Variants in ARMH3 observed in about 807,000 individuals in gnomAD.
The protein encoded by ARMH3 is armadillo-like helical domain-containing protein 3.
ARMH3 carries 60 observed loss-of-function variants against 99.1 expected under a neutral mutation model. That is an observed-to-expected ratio of 0.61 (90% confidence interval 0.49 to 0.75). The LOEUF (loss-of-function observed/expected upper bound fraction) is 0.75. ARMH3 is among the 30% of genes least tolerant of loss of function. ARMH3 has a pLI of 0.00. For synonymous variants in ARMH3, 285 were observed against 292.8 expected, an observed-to-expected ratio of 0.97 and a Z score of 0.27; for missense variants, 679 against 843.1, an observed-to-expected ratio of 0.81 and a Z score of 2.41.
At chr10:101,936,491 CAAAAAAA>C (rs202009727) in intron 23 of ARMH3, among the ~76,000 whole-genome samples, 2 of 56,072 alleles carry the variant, frequency 3.6e-5, no homozygotes, top group Non-Finnish European at 8.5e-5. Context: ...GACTCTGTCT[CAAAAAAA>C]AAAAAAAAAA....
intron 24 of ARMH3, among the ~76,000 whole-genome samples, chr10:101,852,822 G>A (rs2135268959): frequency 6.6e-6 from 1 of 151,164 alleles, no homozygotes; most frequent in South Asian, 2.1e-4. Context: ...TAGTGCCCAT[G>A]ATCTCAGCTC....
chr10:101,953,332 T>C (rs1844880962), intron 22 of ARMH3, among the ~76,000 whole-genome samples: 1 of 152,142 alleles, frequency 6.6e-6, no homozygotes, highest in Non-Finnish European at 1.5e-5. Context: ...GGTTTTGCCA[T>C]GTTGGCTGGT....
chr10:101,955,935 A>C (rs1397397714), intron 22 of ARMH3, among the ~76,000 whole-genome samples: 1 of 152,228 alleles, frequency 6.6e-6, no homozygotes, highest in Non-Finnish European at 1.5e-5. Context: ...TAAAGCTAAT[A>C]AATTTGCGCT....
intron 23 of ARMH3, among the ~76,000 whole-genome samples, chr10:101,899,610 A>AT (rs1486170710): frequency 6.6e-6 from 1 of 152,206 alleles, no homozygotes; most frequent in Non-Finnish European, 1.5e-5. Flanking sequence ...ACAGAAGTGC[A>AT]TTACAAGCCT....
At position 102,055,329 on chromosome 10, in the gene ARMH3, A is replaced by AT. The variant is rs2067818120; in HGVS notation, c.-12+755_-12+756insA. ...AATAAATAAATAAATAAATAAATAA[A>AT]ATAAAATAAAAAACTTTCTGGAGAG... On this transcript the variant is annotated intron_variant, in intron 1 of 25. Coordinates refer to ENST00000370033, the MANE Select transcript of ARMH3 (RefSeq NM_024541.3). 2.0e-5 allele frequency among the ~76,000 whole-genome samples: 3 copies of AT among 151,990 alleles called. No homozygotes were observed. The South Asian group carries it at 6.2e-4, about 31-fold the overall frequency.
chr10:101,943,727 A>G (rs1844344025), intron 22 of ARMH3, among the ~76,000 whole-genome samples: 1 of 152,152 alleles, frequency 6.6e-6, no homozygotes, highest in African/African-American at 2.4e-5. Flanking sequence ...AAACAGACCT[A>G]GACGTGAAGA....
intron 1 of ARMH3, among the ~76,000 whole-genome samples, chr10:102,044,967 C>T (rs888408778): frequency 6.6e-6 from 1 of 151,840 alleles, no homozygotes; most frequent in Non-Finnish European, 1.5e-5. Context: ...AAAACCCCGT[C>T]TCTACTAAAA....
At chr10:101,990,179 C>CTT (rs762793068) in intron 19 of ARMH3, among the ~76,000 whole-genome samples, 10 of 134,568 alleles carry the variant, frequency 7.4e-5, no homozygotes, top group East Asian at 4.3e-4. Flanking sequence ...CATGAACTTT[C>CTT]TTTTTTTTTT....
chr10:101,871,972 C>T (rs1463455048), intron 24 of ARMH3, among the ~76,000 whole-genome samples: 1 of 151,714 alleles, frequency 6.6e-6, no homozygotes, highest in African/African-American at 2.4e-5. Context: ...TGCACTCCAG[C>T]TTGGGCGACA....
At chr10:101,859,409 C>G (rs2066811225) in intron 24 of ARMH3, among the ~76,000 whole-genome samples, 1 of 152,226 alleles carries the variant, frequency 6.6e-6, no homozygotes, top group Non-Finnish European at 1.5e-5. Context: ...ACAGCCTAGA[C>G]TCCATCAGGG....
chr10:101,886,876 A>G (rs1465513564), intron 24 of ARMH3, among the ~76,000 whole-genome samples: 2 of 152,140 alleles, frequency 1.3e-5, no homozygotes, highest in African/African-American at 4.8e-5. Flanking sequence ...ACATCTATCC[A>G]TGCTCTTTAG....
At position 101,910,352 on chromosome 10, in the gene ARMH3, TAA is replaced by T. The variant is rs553794734; in HGVS notation, c.1782-20864_1782-20863del. On this transcript the variant is annotated intron_variant, in intron 23 of 25. Transcript: ENST00000370033. ...AGCACTGAACTGGGAGAATAAATAT[TAA>T]AGTTAGTATTTAGATTATTTAGATT... Among the ~76,000 whole-genome samples the T allele has an allele frequency of 4.3e-3, 660 of 152,280 alleles. 7 individuals are homozygous for T. Among genetic ancestry groups the T allele is most frequent in the Non-Finnish European group, 3.8e-3 (259 of 68,030 alleles).
intron 13 of ARMH3, among the ~76,000 whole-genome samples, chr10:102,008,212 G>A (rs2066548167): frequency 6.6e-6 from 1 of 152,190 alleles, no homozygotes; most frequent in South Asian, 2.1e-4. Flanking sequence ...CTATGAAGCA[G>A]ATCTCAAACC....
intron 8 of ARMH3, among the ~76,000 whole-genome samples, chr10:102,015,273 C>G (rs1429262361): frequency 6.6e-6 from 1 of 152,042 alleles, no homozygotes; most frequent in Non-Finnish European, 1.5e-5. Context: ...CAAGCAAAAT[C>G]GGCTGACTTA....
At chr10:101,863,596 T>C (rs985305137) in intron 24 of ARMH3, among the ~76,000 whole-genome samples, 3 of 152,102 alleles carry the variant, frequency 2.0e-5, no homozygotes. Flanking sequence ...TTGGAACAAT[T>C]TGAAAAATCT....
intron 13 of ARMH3, among the ~76,000 whole-genome samples, chr10:102,006,959 G>A (rs1248349941): frequency 2.0e-5 from 3 of 151,618 alleles, no homozygotes; most frequent in Non-Finnish European, 4.4e-5. Context: ...TCAGGAGATC[G>A]AGACCATCCT....
chr10:102,055,252 G>C (rs532281241), intron 1 of ARMH3, among the ~76,000 whole-genome samples: 1 of 151,060 alleles, frequency 6.6e-6, no homozygotes, highest in African/African-American at 2.4e-5. Flanking sequence ...AGCCGAGATC[G>C]GGCAACTGCA....
At chr10:101,947,012 A>AC (rs1258105487) in intron 22 of ARMH3, among the ~76,000 whole-genome samples, 1 of 151,912 alleles carries the variant, frequency 6.6e-6, no homozygotes, top group East Asian at 1.9e-4. Context: ...AGATGGTGAA[A>AC]CCCCGTCTCT....
intron 20 of ARMH3, among the ~76,000 whole-genome samples, chr10:101,971,004 G>C (rs1845744721): frequency 6.6e-6 from 1 of 150,928 alleles, no homozygotes. Flanking sequence ...GGCTGAGTTG[G>C]GAGGATCACT....
Sources: allele counts gnomAD v4.1 joint callset (sites outside exome capture counted in the v4.1 genomes callset), GRCh38; gene constraint gnomAD v4.1.1; transcripts MANE v1.5; gene names NCBI Gene and HGNC (gene_info 2026-07-23, HGNC 2026-07-21).